Variants in RBFOX3 observed in about 807,000 individuals in gnomAD.
RBFOX3 encodes RNA binding protein fox-1 homolog 3.
A neutral mutation model predicts 48.7 loss-of-function variants in RBFOX3; 17 were observed. The observed-to-expected ratio is 0.35, with a 90% CI of 0.24 to 0.52. The LOEUF (loss-of-function observed/expected upper bound fraction) is 0.52, where lower values mean the gene tolerates loss of function less well. Among genes scored for constraint, RBFOX3 ranks in the 20% least tolerant of loss-of-function variants. The pLI, the probability that RBFOX3 is intolerant of heterozygous loss-of-function variation, is 0.94. For missense variants in RBFOX3, 382 were observed against 497.5 expected (o/e 0.77, Z 2.21); for synonymous variants, 212 against 209.5 (o/e 1.01, Z -0.10).
intron 3 of RBFOX3, among the ~76,000 whole-genome samples, chr17:79,269,636 C>T (rs961350354): frequency 5.9e-5 from 9 of 152,054 alleles, no homozygotes; most frequent in Admixed American, 2.0e-4. Flanking sequence ...GACTTTCTGC[C>T]GGTGACCTCC....
intron 4 of RBFOX3, among the ~76,000 whole-genome samples, chr17:79,138,547 C>A (rs1266391334): frequency 6.6e-6 from 1 of 152,094 alleles, no homozygotes; most frequent in African/African-American, 2.4e-5. Flanking sequence ...CATGCTCACT[C>A]CTGAGCACAC....
intron 2 of RBFOX3, among the ~76,000 whole-genome samples, chr17:79,454,409 C>T (rs997721722): frequency 8.5e-5 from 13 of 152,150 alleles, no homozygotes; most frequent in East Asian, 1.9e-4. Flanking sequence ...CTGCCCTCTG[C>T]GGAGGCCCAG....
intron 2 of RBFOX3, among the ~76,000 whole-genome samples, chr17:79,388,471 C>A (rs868681674): frequency 6.6e-6 from 1 of 152,230 alleles, no homozygotes; most frequent in Non-Finnish European, 1.5e-5. Context: ...CAGCTGTGTC[C>A]AGATGCCTTC....
intron 3 of RBFOX3, among the ~76,000 whole-genome samples, chr17:79,237,224 C>G (rs1231886425): frequency 6.6e-6 from 1 of 152,216 alleles, no homozygotes; most frequent in Non-Finnish European, 1.5e-5. Context: ...GAAAGACGGT[C>G]AGACTGGGCC....
At chr17:79,550,526 ATTT>A (rs1303486867) in intron 1 of RBFOX3, among the ~76,000 whole-genome samples, 3 of 152,186 alleles carry the variant, frequency 2.0e-5, no homozygotes, top group African/African-American at 7.2e-5. Context: ...TTTAATAAGT[ATTT>A]TTCAAAGTAC....
At chr17:79,454,613 C>T (rs1375258991) in intron 2 of RBFOX3, among the ~76,000 whole-genome samples, 3 of 152,172 alleles carry the variant, frequency 2.0e-5, no homozygotes, top group Non-Finnish European at 2.9e-5. Context: ...AATTTCATAC[C>T]GTCCGGCCCT....
chr17:79,576,353 GA>G (rs1204687249), intron 1 of RBFOX3, among the ~76,000 whole-genome samples: 1 of 152,208 alleles, frequency 6.6e-6, no homozygotes, highest in Non-Finnish European at 1.5e-5. Context: ...TGATGGAGAT[GA>G]TGGAGAAGCT....
intron 4 of RBFOX3, among the ~76,000 whole-genome samples, chr17:79,194,277 C>T (rs1025883403): frequency 3.3e-5 from 5 of 152,038 alleles, no homozygotes; most frequent in Middle Eastern, 3.2e-3. Context: ...GCCCAGATTC[C>T]GAGCAAGGGG....
At chr17:79,655,159 G>A in the RBFOX3 span, among the ~76,000 whole-genome samples, 1 of 152,180 alleles carries the variant, frequency 6.6e-6, no homozygotes, top group Non-Finnish European at 1.5e-5. Flanking sequence ...TCTGTGTCCT[G>A]CACTGGTCCC....
chr17:79,438,838 A>C (rs553414892), intron 2 of RBFOX3, among the ~76,000 whole-genome samples: 2 of 152,364 alleles, frequency 1.3e-5, no homozygotes, highest in Admixed American at 1.3e-4. Flanking sequence ...GAAATCTGGA[A>C]GTCACTGCCT....
chr17:79,570,399 GAAGATAGA>G (rs1599182248), intron 1 of RBFOX3, among the ~76,000 whole-genome samples: 1 of 151,472 alleles, frequency 6.6e-6, no homozygotes, highest in East Asian at 2.0e-4. Context: ...ATGGTAGATA[GAAGATAGA>G]TAGATGGATT....
chr17:79,147,772 G>C (rs1282988455), intron 4 of RBFOX3, among the ~76,000 whole-genome samples: 1 of 152,232 alleles, frequency 6.6e-6, no homozygotes, highest in African/African-American at 2.4e-5. Context: ...CCCAGTACCT[G>C]GCCAGGGCTG....
chr17:79,262,475 C>T (rs1443146024), intron 3 of RBFOX3, among the ~76,000 whole-genome samples: 3 of 152,242 alleles, frequency 2.0e-5, no homozygotes, highest in South Asian at 2.1e-4. Context: ...GAAGAACAAT[C>T]GATGGGTAGA....
Position 79,423,029 on chromosome 17 carries a change from G to C in RBFOX3, c.-175+59425C>G, listed in dbSNP as rs1207329001. Among the ~76,000 whole-genome samples, 2 of 152,190 alleles carry C rather than the reference G, an allele frequency of 1.3e-5. No individual in the cohort carries two copies. Among genetic ancestry groups the C allele is most frequent in the African/African-American group, 4.8e-5 (2 of 41,438 alleles). On this transcript the variant is annotated intron_variant, in intron 2 of 14. Coordinates refer to ENST00000693108, the MANE Select transcript of RBFOX3 (RefSeq NM_001350451.2). This position sits in a 1 kb window ranked among gnomAD's most constrained non-coding sequence, Gnocchi z 4.9. ...AAAGAGTCCTCACAGGCACGGGACAGGCCGGCCCCTGCGACGGGACTTCGG... is the reference window on the plus strand; with the variant it reads ...AAAGAGTCCTCACAGGCACGGGACACGCCGGCCCCTGCGACGGGACTTCGG...
At chr17:79,428,126 A>G (rs2067720602) in intron 2 of RBFOX3, among the ~76,000 whole-genome samples, 1 of 152,250 alleles carries the variant, frequency 6.6e-6, no homozygotes, top group Non-Finnish European at 1.5e-5. Context: ...GCCTGCAGCA[A>G]TATCCTCGCT....
At chr17:79,623,820 C>A in the RBFOX3 span, among the ~76,000 whole-genome samples, 1 of 129,478 alleles carries the variant, frequency 7.7e-6, no homozygotes, top group Non-Finnish European at 1.5e-5. Context: ...TAAACTCTGT[C>A]TCTAAAAAAA....
At chr17:79,384,364 C>T (rs1432544401) in intron 2 of RBFOX3, among the ~76,000 whole-genome samples, 1 of 152,156 alleles carries the variant, frequency 6.6e-6, no homozygotes, top group African/African-American at 2.4e-5. Context: ...CACGCCCTCC[C>T]TGTCTATGCC....
At position 79,480,716 on chromosome 17, in the gene RBFOX3, C is replaced by A. The variant is rs2078655188; in HGVS notation, c.-175+1738G>T. Among the ~76,000 whole-genome samples, 1 of 152,326 alleles carries A rather than the reference C, an allele frequency of 6.6e-6. No homozygotes were observed. Among genetic ancestry groups the A allele is most frequent in the East Asian group, 1.9e-4 (1 of 5,170 alleles). ...CTCTCCCCTCAGACATCCTGGGGTC[C>A]TCCCTCCCTTCCTTCTGTCTTGGCT... is the stretch of plus-strand genomic sequence containing the variant. On this transcript the variant is annotated intron_variant, in intron 2 of 14. Coordinates refer to ENST00000693108, the MANE Select transcript of RBFOX3 (RefSeq NM_001350451.2). The surrounding 1 kb of genome is among the most constrained non-coding windows in gnomAD (Gnocchi z 4.8).
intron 4 of RBFOX3, among the ~76,000 whole-genome samples, chr17:79,202,467 T>C (rs1241516327): frequency 6.6e-6 from 1 of 152,166 alleles, no homozygotes; most frequent in Non-Finnish European, 1.5e-5. Flanking sequence ...AGCAATCCCT[T>C]ATATAAGCGC....
Sources: gnomAD v4.1 joint callset for allele counts (sites outside exome capture counted in the v4.1 genomes callset) on GRCh38, gnomAD v4.1.1 for gene constraint, Gnocchi (gnomAD v3.1) non-coding constraint, MANE v1.5 for transcripts, NCBI Gene and HGNC (gene_info 2026-07-23, HGNC 2026-07-21) for gene names.